EEA1: variants seen among roughly 807,000 people sequenced by gnomAD.
The protein encoded by EEA1 is early endosome antigen 1, also known as early endosome antigen 1, 162kD.
Under a neutral mutation model 209.2 loss-of-function variants are expected in EEA1, and 111 were observed. The ratio of observed to expected loss-of-function variants is 0.53; its 90% CI spans 0.45 to 0.62. The LOEUF is 0.62. EEA1 is among the 20% of genes least tolerant of loss of function. The pLI, the probability that EEA1 is intolerant of heterozygous loss-of-function variation, is 0.00. For synonymous variants in EEA1, 536 were observed against 540.6 expected (o/e 0.99, Z 0.12); for missense variants, 1,343 against 1,530.8 (o/e 0.88, Z 2.05).
intron 2 of EEA1, among the ~76,000 whole-genome samples, chr12:92,872,165 C>T (rs1441220151): frequency 1.3e-5 from 2 of 151,658 alleles, no homozygotes; most frequent in African/African-American, 2.4e-5. Flanking sequence ...TCTCCTGCCT[C>T]GGCCTCCTGA....
chr12:92,888,501 C>T (rs1319710274), intron 2 of EEA1, among the ~76,000 whole-genome samples: 7 of 151,074 alleles, frequency 4.6e-5, no homozygotes, highest in Admixed American at 2.6e-4. Context: ...GGCGTGAACC[C>T]GGGAGGCAGA....
chr12:92,814,809 T>C (rs1376809029), intron 15 of EEA1, among the ~76,000 whole-genome samples: 1 of 152,144 alleles, frequency 6.6e-6, no homozygotes, highest in Non-Finnish European at 1.5e-5. Flanking sequence ...CACAAGGAAG[T>C]ACCGTGGAAG....
chr12:92,879,446 G>A, intron 2 of EEA1: 1 of 378,994 alleles, frequency 2.6e-6, no homozygotes, highest in Non-Finnish European at 5.2e-6. Flanking sequence ...AAAAATCAAT[G>A]TAAATCTTCA....
chr12:92,824,279 T>A (rs2136685318), intron 13 of EEA1, among the ~76,000 whole-genome samples: 1 of 152,328 alleles, frequency 6.6e-6, no homozygotes, highest in African/African-American at 2.4e-5. Context: ...AGCTACATCA[T>A]TTCTTGTCTG....
intron 18 of EEA1, 32 bp downstream of exon 18, chr12:92,808,985 C>A: frequency 6.5e-7 from 1 of 1,545,170 alleles, no homozygotes; most frequent in Non-Finnish European, 8.7e-7. Context: ...CAATCTTTTC[C>A]CTTAATTTGT....
intron 10 of EEA1, among the ~76,000 whole-genome samples, chr12:92,835,632 C>T (rs1420457036): frequency 6.6e-6 from 1 of 151,808 alleles, no homozygotes; most frequent in African/African-American, 2.4e-5. Context: ...AAGCTGGTCT[C>T]GATCTCCTGA....
intron 16 of EEA1, 86 bp from the exon 17 acceptor site, chr12:92,811,520 A>T (rs1875506246): frequency 1.1e-6 from 1 of 885,266 alleles, no homozygotes; most frequent in Non-Finnish European, 1.5e-6. Flanking sequence ...TGAAAACTCT[A>T]ATTTTATTTA....
At chr12:92,777,700 A>C (rs1192705887) in intron 26 of EEA1, 37 bp from the exon 27 acceptor site, 1 of 1,587,694 alleles carries the variant, frequency 6.3e-7, no homozygotes, top group South Asian at 1.1e-5. Context: ...AATTTTTTAG[A>C]AAATCATTTA....
rs1592709180 is a variant in EEA1, at chr12:92,801,583, C to T, written c.2772+17G>A. On this transcript the variant is annotated intron_variant, in intron 20 of 28. Coordinates refer to ENST00000322349, the MANE Select transcript of EEA1 (RefSeq NM_003566.4). ...ACTATACTTTACAGATTTTATGTTA[C>T]AAAAAAAAAATCTTACCTCCTTCTC... is the stretch of plus-strand genomic sequence containing the variant. The T allele has an allele frequency of 7.1e-7, 1 of 1,398,926 alleles. No homozygotes were observed. The highest frequency in any genetic ancestry group is 2.6e-5 in the East Asian group (1 of 39,204). 86.7% of individuals were successfully genotyped at this position (1,398,926 alleles called of 1,614,324 possible). A position where few individuals can be genotyped will look rare whatever the true frequency, so the allele number is the denominator to read the frequency against.
rs988881079 is a variant in EEA1, at chr12:92,774,876, T to C, written c.*1135A>G. On this transcript the variant is annotated 3_prime_UTR_variant, in exon 29 of 29. Transcript: ENST00000322349. ...TACAACTTTTAAAAATTCTTCCCAA[T>C]AGGGTAAGAAATAGAAAGTAAAATA... The C allele has an allele frequency of 2.0e-5, 3 of 151,746 alleles. No individual in the cohort carries two copies. The highest frequency in any genetic ancestry group is 7.2e-5 in the African/African-American group (3 of 41,424). The allele number at this position is 151,746 out of a possible 1,614,324, so 9.4% of individuals were successfully genotyped here.
At chr12:92,829,892 A>G (rs1453539242) in intron 11 of EEA1, among the ~76,000 whole-genome samples, 1 of 152,046 alleles carries the variant, frequency 6.6e-6, no homozygotes, top group African/African-American at 2.4e-5. Context: ...AGAAAGACAT[A>G]AATTATGATA....
chr12:92,843,301 G>A (rs1877251447), intron 9 of EEA1, among the ~76,000 whole-genome samples: 1 of 152,074 alleles, frequency 6.6e-6, no homozygotes, highest in African/African-American at 2.4e-5. Context: ...TAGGGCTACA[G>A]GTGTGTGCCA....
intron 11 of EEA1, among the ~76,000 whole-genome samples, chr12:92,830,836 T>A (rs1255491830): frequency 6.6e-6 from 1 of 152,168 alleles, no homozygotes; most frequent in Non-Finnish European, 1.5e-5. Context: ...AAGATTTGCC[T>A]TTAATATAGA....
chr12:92,881,127 A>T, intron 2 of EEA1, among the ~76,000 whole-genome samples: 1 of 152,088 alleles, frequency 6.6e-6, no homozygotes, highest in East Asian at 1.9e-4. Context: ...AAACGGGCTC[A>T]GTGTAGTAGA....
chr12:92,891,216 C>A (rs1425353599), intron 2 of EEA1, among the ~76,000 whole-genome samples: 1 of 149,790 alleles, frequency 6.7e-6, no homozygotes, highest in Admixed American at 6.6e-5. Context: ...TCTTTAATAT[C>A]AAAGACAAAA....
At chr12:92,865,365 A>G (rs1418815596) in intron 2 of EEA1, among the ~76,000 whole-genome samples, 1 of 151,704 alleles carries the variant, frequency 6.6e-6, no homozygotes, top group African/African-American at 2.4e-5. Flanking sequence ...AATCTACTTC[A>G]TAGGAATGCT....
chr12:92,893,482 A>G (rs1879744674), intron 1 of EEA1, among the ~76,000 whole-genome samples: 2 of 152,190 alleles, frequency 1.3e-5, no homozygotes, highest in Non-Finnish European at 2.9e-5. Context: ...ACCTCACTAC[A>G]TATTTGCCTC....
At chr12:92,920,749 G>A (rs1298514323) in intron 1 of EEA1, among the ~76,000 whole-genome samples, 1 of 151,458 alleles carries the variant, frequency 6.6e-6, no homozygotes, top group Admixed American at 6.6e-5. Flanking sequence ...TTGACAAATG[G>A]GATCTAATTA....
chr12:92,812,694 A>ACTTTT (rs1875578124), intron 16 of EEA1, among the ~76,000 whole-genome samples: 1 of 152,210 alleles, frequency 6.6e-6, no homozygotes, highest in Admixed American at 6.5e-5. Flanking sequence ...TTAGGAGGAA[A>ACTTTT]CATTACTGCT....
Sources: gnomAD v4.1 joint callset for allele counts (sites outside exome capture counted in the v4.1 genomes callset) on GRCh38, gnomAD v4.1.1 for gene constraint, MANE v1.5 for transcripts, NCBI Gene and HGNC (gene_info 2026-07-23, HGNC 2026-07-21) for gene names.